DMD: variants seen among roughly 807,000 people sequenced by gnomAD.
DMD encodes mutant dystrophin.
A neutral mutation model predicts 330.1 loss-of-function variants in DMD; 63 were observed. The observed-to-expected ratio is 0.19, with a 90% CI of 0.16 to 0.24. The LOEUF is 0.24. Among genes scored for constraint, DMD ranks in the 10% least tolerant of loss-of-function variants. The pLI is 1.00. For synonymous variants in DMD, 1,223 were observed against 959.8 expected, an observed-to-expected ratio of 1.27 and a Z score of -5.07; for missense variants, 3,344 against 2,684.1, an observed-to-expected ratio of 1.25 and a Z score of -5.43.
chrX:31,482,926 A>C (rs139993825), intron 57 of DMD, among the ~76,000 whole-genome samples: 1 of 110,805 alleles, frequency 9.0e-6, no homozygotes, highest in Non-Finnish European at 1.9e-5. Context: ...GTTTCAGGAA[A>C]ATTGGACAGT....
rs572781473 is a variant in DMD, at chrX:32,754,492, A to T, written c.649+55001T>A. ...CATATAGATCACTTATCACCATCTT[A>T]TCCCGATACCATAGAACCTTAGCCA... is the stretch of plus-strand genomic sequence containing the variant. On this transcript the variant is annotated intron_variant, in intron 7 of 78. Coordinates refer to ENST00000357033, the MANE Select transcript of DMD (RefSeq NM_004006.3). Among the ~76,000 whole-genome samples, 17 of 110,011 alleles carry T rather than the reference A, an allele frequency of 1.5e-4. 1 individual carries two copies. The South Asian group carries it at 6.8e-3, about 44-fold the overall frequency.
At chrX:32,328,751 G>A (rs1305526741) in intron 41 of DMD, among the ~76,000 whole-genome samples, 3 of 109,953 alleles carry the variant, frequency 2.7e-5, no homozygotes, top group Non-Finnish European at 3.8e-5. Context: ...TCTAGTAAAG[G>A]ACATTGTAAC....
intron 2 of DMD, among the ~76,000 whole-genome samples, chrX:32,887,998 A>T (rs1214978764): frequency 1.8e-5 from 2 of 110,492 alleles, no homozygotes; most frequent in Non-Finnish European, 3.8e-5. Context: ...AAAATATATA[A>T]GAAACCTTAA....
At chrX:31,490,344 C>T (rs1035357622) in intron 57 of DMD, among the ~76,000 whole-genome samples, 9 of 111,241 alleles carry the variant, frequency 8.1e-5, no homozygotes, top group African/African-American at 2.9e-4. Context: ...GGGTGGATCA[C>T]GAGGTCAGGA....
chrX:32,447,729 T>A (rs758657246), intron 27 of DMD, among the ~76,000 whole-genome samples: 1 of 111,884 alleles, frequency 8.9e-6, no homozygotes, highest in Admixed American at 9.4e-5. Context: ...TCTGGCAGCA[T>A]CAGCATTTGT....
chrX:31,778,957 T>C (rs907241440), intron 50 of DMD, among the ~76,000 whole-genome samples: 1 of 111,852 alleles, frequency 8.9e-6, no homozygotes, highest in African/African-American at 3.2e-5. Flanking sequence ...TGCGGTTCTT[T>C]CTTTTCCACC....
intron 41 of DMD, among the ~76,000 whole-genome samples, chrX:32,315,371 G>C (rs1157740861): frequency 2.7e-5 from 3 of 110,340 alleles, no homozygotes; most frequent in African/African-American, 9.9e-5. Flanking sequence ...GTTGGCGGGT[G>C]GGGGGCAAGG....
intron 34 of DMD, among the ~76,000 whole-genome samples, chrX:32,366,034 C>T (rs1236585776): frequency 8.9e-6 from 1 of 112,132 alleles, no homozygotes; most frequent in East Asian, 2.8e-4. Flanking sequence ...TCCAAGTTCA[C>T]AGACCTTATT....
intron 41 of DMD, among the ~76,000 whole-genome samples, chrX:32,312,087 T>C (rs3934241): frequency 0.53 from 58,122 of 110,379 alleles, 12,205 homozygotes; most frequent in South Asian, 0.81. Flanking sequence ...CTGTAAGTTT[T>C]TGGAAAACAA....
intron 44 of DMD, among the ~76,000 whole-genome samples, chrX:32,104,503 C>A (rs2096555133): frequency 9.0e-6 from 1 of 111,490 alleles, no homozygotes; most frequent in Non-Finnish European, 1.9e-5. Context: ...CTGTAATACC[C>A]AATGTCTCCC....
In DMD at chrX:31,749,802, C is replaced by G. The variant is rs1174404828; in HGVS notation, c.7543-20054G>C. 4.7e-5 allele frequency among the ~76,000 whole-genome samples: 5 copies of G among 106,119 alleles called. No individual in the cohort carries two copies. The East Asian group carries it at 1.5e-3, about 32-fold the overall frequency. 92.2% of individuals were successfully genotyped at this position (106,119 alleles called of 115,157 possible). On this transcript the variant is annotated intron_variant, in intron 51 of 78. Coordinates refer to ENST00000357033, the MANE Select transcript of DMD (RefSeq NM_004006.3). ...CTATTTCTCCACATCCTCTCCAGCA[C>G]CTGTTGTTTCCTGACTTTTTAATGA... is the stretch of plus-strand genomic sequence containing the variant.
chrX:32,056,796 T>C lies in DMD; in HGVS notation c.6439-88282A>G, dbSNP rs187629586. ...TACAAGGGGCATCAGTATCCTGATA[T>C]CAAAGTCAATAAAAGACACTAGGAG... is the stretch of plus-strand genomic sequence containing the variant. On this transcript the variant is annotated intron_variant, in intron 44 of 78. Transcript: ENST00000357033. Among the ~76,000 whole-genome samples, 12 of 111,250 alleles carry C rather than the reference T, an allele frequency of 1.1e-4. No homozygotes were observed. In the East Asian group the frequency reaches 3.1e-3, roughly 29 times the overall value.
intron 9 of DMD, among the ~76,000 whole-genome samples, chrX:32,693,115 T>C (rs1479544224): frequency 9.0e-6 from 1 of 111,280 alleles, no homozygotes; most frequent in Admixed American, 9.6e-5. Context: ...AAAGACTCAA[T>C]TTGCCCTTGT....
chrX:32,429,400 T>TTTTC (rs1284904615), intron 29 of DMD, among the ~76,000 whole-genome samples: 5 of 82,051 alleles, frequency 6.1e-5, no homozygotes, highest in African/African-American at 9.2e-5. Context: ...TTTTTTTTTT[T>TTTTC]TTTTTTTTTT....
chrX:31,635,464 A>G (rs940346535), intron 54 of DMD, among the ~76,000 whole-genome samples: 1 of 112,056 alleles, frequency 8.9e-6, no homozygotes, highest in African/African-American at 3.2e-5. Flanking sequence ...GAAAAACAGA[A>G]CAAAACAACT....
At chrX:31,839,962 C>T (rs1402626640) in intron 48 of DMD, among the ~76,000 whole-genome samples, 2 of 111,515 alleles carry the variant, frequency 1.8e-5, no homozygotes, top group Non-Finnish European at 3.8e-5. Context: ...AATCTAAAAA[C>T]TTCTATGAGT....
chrX:31,591,931 G>C (rs1044759082), intron 55 of DMD, among the ~76,000 whole-genome samples: 17 of 110,933 alleles, frequency 1.5e-4, no homozygotes, highest in Non-Finnish European at 2.8e-4. Flanking sequence ...CTCAACCAGT[G>C]AATTTCCATT....
At chrX:31,343,626 A>T (rs947788858) in intron 61 of DMD, among the ~76,000 whole-genome samples, 6 of 109,281 alleles carry the variant, frequency 5.5e-5, no homozygotes, top group African/African-American at 1.0e-4. Flanking sequence ...TGTGAGAGAG[A>T]GAGAGAGAGA....
chrX:33,114,027 A>G (rs1210272021), intron 1 of DMD, among the ~76,000 whole-genome samples: 2 of 111,094 alleles, frequency 1.8e-5, no homozygotes, highest in Non-Finnish European at 3.8e-5. Context: ...TACTTTAGAA[A>G]TATTGAAAAT....
Sources: allele counts gnomAD v4.1 joint callset (sites outside exome capture counted in the v4.1 genomes callset), GRCh38; gene constraint gnomAD v4.1.1; transcripts MANE v1.5; gene names NCBI Gene and HGNC (gene_info 2026-07-23, HGNC 2026-07-21).